Variants in ERCC6L2 observed in about 807,000 individuals in gnomAD.
The protein encoded by ERCC6L2 is DNA excision repair protein ERCC-6-like 2.
Under a neutral mutation model 132.0 loss-of-function variants are expected in ERCC6L2, and 77 were observed. The observed-to-expected ratio is 0.58, with a 90% CI of 0.49 to 0.71. The LOEUF is 0.71. ERCC6L2 is among the 30% of genes least tolerant of loss of function. The pLI is 0.00. For missense variants in ERCC6L2, 1,542 were observed against 1,837.6 expected (o/e 0.84, Z 2.94); for synonymous variants, 583 against 632.4 (o/e 0.92, Z 1.17).
intron 13 of ERCC6L2, among the ~76,000 whole-genome samples, chr9:95,960,604 G>A (rs1809639610): frequency 6.6e-6 from 1 of 152,098 alleles, no homozygotes; most frequent in African/African-American, 2.4e-5. Context: ...CCGCAAGCTG[G>A]AAGAGTCAAG....
chr9:95,903,842 G>A (rs910982173), intron 3 of ERCC6L2, among the ~76,000 whole-genome samples: 2 of 151,806 alleles, frequency 1.3e-5, no homozygotes, highest in African/African-American at 2.4e-5. Flanking sequence ...ATCTTTGCTA[G>A]AAAACTCAAA....
intron 19 of ERCC6L2, among the ~76,000 whole-genome samples, chr9:96,037,828 G>A (rs1304100664): frequency 6.6e-6 from 1 of 151,962 alleles, no homozygotes; most frequent in African/African-American, 2.4e-5. Context: ...AGAGGAGATG[G>A]GAAGAGATGG....
chr9:95,973,632 T>C (rs1174139360), intron 16 of ERCC6L2, among the ~76,000 whole-genome samples: 2 of 152,020 alleles, frequency 1.3e-5, no homozygotes, highest in South Asian at 2.1e-4. Flanking sequence ...ATGAGACTTA[T>C]TCGCTATCAT....
rs142834168 is a variant in ERCC6L2 at position 95,885,646 on chromosome 9, G to A, written c.471+4353G>A. ...ATTTCACTGGAGTATACAGGTTTGG[G>A]AACCTGACCTTTGGTAATCAGACAA... On this transcript the variant is annotated intron_variant, in intron 2 of 18. Coordinates refer to ENST00000653738, the MANE Select transcript of ERCC6L2 (RefSeq NM_020207.7). Among the ~76,000 whole-genome samples the A allele has an allele frequency of 4.3e-4, 65 of 152,302 alleles. 1 individual carries two copies. The highest frequency in any genetic ancestry group is 1.9e-3 in the South Asian group (9 of 4,828).
Position 96,012,504 on chromosome 9 carries a change from T to C in ERCC6L2, c.3954T>C (p.Asp1318=). Residue 1318 remains aspartate (D), a synonymous_variant, in exon 19 of 19, where the codon GAT becomes GAC. Transcript: ENST00000653738. ...LSDSETLSFK[D]STNKISQVCS... is the part of the protein sequence containing the mutation. ...ATTCTGAAACCTTGTCATTTAAAGA[T>C]TCTACCAACAAAATTTCTCAAGTTT... 1 of 1,367,484 alleles carries C rather than the reference T, an allele frequency of 7.3e-7. No individual in the cohort carries two copies. The highest frequency in any genetic ancestry group is 1.1e-5 in the South Asian group (1 of 87,990). The allele number at this position is 1,367,484 out of a possible 1,614,324, so 84.7% of individuals were successfully genotyped here.
chr9:95,989,279 G>C (rs1384543701), intron 17 of ERCC6L2, among the ~76,000 whole-genome samples: 1 of 152,142 alleles, frequency 6.6e-6, no homozygotes, highest in Non-Finnish European at 1.5e-5. Context: ...AAAGTTGGGG[G>C]GTGGAGCTGA....
intron 19 of ERCC6L2, among the ~76,000 whole-genome samples, chr9:96,038,301 G>A (rs1315881331): frequency 6.6e-6 from 1 of 152,232 alleles, no homozygotes; most frequent in Non-Finnish European, 1.5e-5. Context: ...CTGGAAGGAT[G>A]TAGAATGATC....
At chr9:95,896,167 C>T (rs1251045607) in intron 2 of ERCC6L2, among the ~76,000 whole-genome samples, 1 of 152,096 alleles carries the variant, frequency 6.6e-6, no homozygotes, top group African/African-American at 2.4e-5. Context: ...TTCCTTGTAC[C>T]TGAAAACATT....
intron 3 of ERCC6L2, chr9:95,906,750 G>A (rs1030511501): frequency 6.5e-6 from 3 of 462,940 alleles, no homozygotes; most frequent in Non-Finnish European, 1.3e-5. Flanking sequence ...GCTATTACTG[G>A]GATCCAGATT....
chr9:95,997,091 T>C lies in ERCC6L2; in HGVS notation c.3493-7429T>C, dbSNP rs1231222317. 2.0e-5 allele frequency among the ~76,000 whole-genome samples: 3 copies of C among 152,188 alleles called. No individual in the cohort carries two copies. In the East Asian group the frequency reaches 5.8e-4, roughly 29 times the overall value. ...CTAAAAATTAAATTTGAAAAGAAAATAAGTTTCATAAGACTGTAACTGGCA... is the reference window on the plus strand; with the variant it reads ...CTAAAAATTAAATTTGAAAAGAAAACAAGTTTCATAAGACTGTAACTGGCA... On this transcript the variant is annotated intron_variant, in intron 17 of 18. Coordinates refer to ENST00000653738, the MANE Select transcript of ERCC6L2 (RefSeq NM_020207.7).
intron 13 of ERCC6L2, among the ~76,000 whole-genome samples, chr9:95,963,147 CTGTGTGTGTGTGTGTG>C (rs34128119): frequency 6.7e-6 from 1 of 148,512 alleles, no homozygotes; most frequent in Non-Finnish European, 1.5e-5. Context: ...GTCATCTCGT[CTGTGTGTGTGTGTGTG>C]TGTGTGTGTG....
chr9:95,883,583 G>A (rs1208811125), intron 2 of ERCC6L2, among the ~76,000 whole-genome samples: 1 of 152,194 alleles, frequency 6.6e-6, no homozygotes, highest in Non-Finnish European at 1.5e-5. Context: ...ACATGAGGCT[G>A]GGTTTGGTGG....
At chr9:95,885,536 T>C (rs1343842787) in intron 2 of ERCC6L2, among the ~76,000 whole-genome samples, 1 of 152,246 alleles carries the variant, frequency 6.6e-6, no homozygotes, top group East Asian at 1.9e-4. Context: ...TCACAGAATT[T>C]TCACATCTAA....
chr9:95,976,597 G>T (rs1039625054), intron 16 of ERCC6L2, among the ~76,000 whole-genome samples: 1 of 152,156 alleles, frequency 6.6e-6, no homozygotes, highest in Non-Finnish European at 1.5e-5. Context: ...AGCTAGTGGA[G>T]ATTTTCCCCA....
chr9:95,955,866 C>T (rs780440259), intron 12 of ERCC6L2, 48 bp from the exon 13 acceptor site: 2 of 1,185,354 alleles, frequency 1.7e-6, no homozygotes, highest in Non-Finnish European at 2.4e-6. Flanking sequence ...CTCTTCAACC[C>T]AAAGTTGCTT....
chr9:95,948,154 A>G (rs947796473), intron 12 of ERCC6L2, among the ~76,000 whole-genome samples: 5 of 152,232 alleles, frequency 3.3e-5, no homozygotes, highest in Non-Finnish European at 7.3e-5. Context: ...TCACTATTCT[A>G]GATACCATTT....
rs55712485 is a variant in ERCC6L2, at chr9:95,948,791, G to GA, written c.1848-7106dup. ...TTCAAGAAAAGACCACAAGACATTA[G>GA]AAAAAAAAAAAAAAAAAGAAAAGAA... On this transcript the variant is annotated intron_variant, in intron 12 of 18. Coordinates refer to ENST00000653738, the MANE Select transcript of ERCC6L2 (RefSeq NM_020207.7). 3.4e-3 allele frequency among the ~76,000 whole-genome samples: 357 copies of GA among 104,044 alleles called. 1 individual carries two copies. Among genetic ancestry groups the GA allele is most frequent in the Middle Eastern group, 0.014 (3 of 218 alleles). 68.3% of individuals were successfully genotyped at this position (104,044 alleles called of 152,430 possible).
intron 2 of ERCC6L2, among the ~76,000 whole-genome samples, chr9:95,884,224 T>A (rs975926583): frequency 6.6e-6 from 1 of 152,162 alleles, no homozygotes; most frequent in African/African-American, 2.4e-5. Flanking sequence ...TCAGATGGAT[T>A]TGTCTGATGC....
intron 13 of ERCC6L2, among the ~76,000 whole-genome samples, chr9:95,957,618 T>A (rs983247206): frequency 1.6e-4 from 24 of 152,120 alleles, no homozygotes; most frequent in Non-Finnish European, 2.9e-4. Context: ...TTTTACCTAT[T>A]CATGCGACTC....
Sources: allele counts gnomAD v4.1 joint callset (sites outside exome capture counted in the v4.1 genomes callset), GRCh38; gene constraint gnomAD v4.1.1; transcripts MANE v1.5; gene names NCBI Gene and HGNC (gene_info 2026-07-23, HGNC 2026-07-21).